Variants in ZNF843 observed in about 807,000 individuals in gnomAD.
ZNF843 encodes the protein zinc finger protein 843.
For missense variants in ZNF843, 482 were observed against 469.4 expected, an observed-to-expected ratio of 1.03 and a Z score of -0.25; for synonymous variants, 185 against 207.7, an observed-to-expected ratio of 0.89 and a Z score of 0.94.
chr16:31,443,099 CCGCGCCAT>C (rs1275614786), upstream of ZNF843: 1 of 152,282 alleles, frequency 6.6e-6, no homozygotes, highest in Non-Finnish European at 1.5e-5. Context: ...ATGAGGGAGT[CCGCGCCAT>C]GCGCATGCAC....
At chr16:31,437,619 G>GTTTT (rs749584155) in intron 1 of ZNF843, among the ~76,000 whole-genome samples, 5 of 109,930 alleles carry the variant, frequency 4.5e-5, no homozygotes, top group African/African-American at 1.8e-4. Flanking sequence ...TATAATCAAT[G>GTTTT]TTTTTTTTTT....
In ZNF843 at chr16:31,436,248, C is replaced by A. The variant is rs974062630; in HGVS notation, c.602G>T (p.Ser201Ile). The change falls in exon 2 of 2, where the codon AGC (serine) becomes ATC (isoleucine). Residue 201 changes from serine to isoleucine, a missense_variant. By Grantham distance (142) the Ser-to-Ile change is moderately radical. Coordinates refer to ENST00000315678, the MANE Select transcript of ZNF843 (RefSeq NM_001136509.3). The stretch of plus-strand genomic sequence containing the variant: ...CAGATGTTGAAGGAAGGACCCGGGG[C>A]TCCCACAGGGCCGGAGCCCAGAGGT... ...DSTSGLRPCG[S>I]PGSFLQHLPP... 1 of 1,545,274 alleles carries A rather than the reference C, an allele frequency of 6.5e-7. No individual in the cohort carries two copies. Among genetic ancestry groups the A allele is most frequent in the Non-Finnish European group, 8.7e-7 (1 of 1,143,652 alleles).
intron 1 of ZNF843, among the ~76,000 whole-genome samples, chr16:31,442,370 G>C (rs1456342662): frequency 6.6e-6 from 1 of 152,188 alleles, no homozygotes; most frequent in African/African-American, 2.4e-5. Flanking sequence ...CCCCAGGCTG[G>C]AGTGCAGTGG....
Position 31,435,950 on chromosome 16 carries a change from C to A in ZNF843, c.900G>T (p.Ala300=), listed in dbSNP as rs1000682370. The A allele has an allele frequency of 2.6e-6, 4 of 1,539,304 alleles. No individual in the cohort carries two copies. Among genetic ancestry groups the A allele is most frequent in the Admixed American group, 4.0e-5 (2 of 49,416 alleles). ...EPARKASQHR[A]AGPLGEARAR... ...CCCTGGCCTCGCCGAGCGGTCCGGC[C>A]GCTCTGTGCTGCGAGGCCTTCCGGG... The change falls in exon 2 of 2, where the codon GCG becomes GCT. Residue 300 remains alanine, a synonymous_variant. Coordinates refer to ENST00000315678, the MANE Select transcript of ZNF843 (RefSeq NM_001136509.3).
At position 31,437,028 on chromosome 16, in the gene ZNF843, G is replaced by A. The variant is rs2082185327; in HGVS notation, c.-179C>T. ...TCTGGAGAGTTCTCTAATGTAAGAC[G>A]CTGGGCAATGTCATCTGAAGGTGTT... On this transcript the variant is annotated 5_prime_UTR_variant, in exon 2 of 2. Transcript: ENST00000315678. 1.6e-6 allele frequency: 1 copy of A among 606,518 alleles called. No homozygotes were observed. The highest frequency in any genetic ancestry group is 2.9e-6 in the Non-Finnish European group (1 of 339,124). The allele number at this position is 606,518 out of a possible 1,614,324, so 37.6% of individuals were successfully genotyped here.
At chr16:31,438,783 T>C (rs1308676680) in intron 1 of ZNF843, among the ~76,000 whole-genome samples, 1 of 152,114 alleles carries the variant, frequency 6.6e-6, no homozygotes, top group East Asian at 1.9e-4. Flanking sequence ...TTTTATTCTC[T>C]TGGACACCTA....
Position 31,436,824 on chromosome 16 carries a change from G to C in ZNF843, c.26C>G (p.Thr9Ser). Reference sequence around the variant, plus strand: ...AGCTCTGGCTGAAACGCTTTCCACAGTCAGGGCAAAGGGGAGGCTTCTCAT... The same window carrying C: ...AGCTCTGGCTGAAACGCTTTCCACACTCAGGGCAAAGGGGAGGCTTCTCAT... The part of the protein sequence containing the change: MRSLPFAL[T>S]VESVSARAPT... Residue 9 changes from threonine to serine, a missense_variant, in exon 2 of 2, where the codon ACT becomes AGT. By Grantham distance (58) the Thr-to-Ser change is moderately conservative. Coordinates refer to ENST00000315678, the MANE Select transcript of ZNF843 (RefSeq NM_001136509.3). 1 of 1,547,650 alleles carries C rather than the reference G, an allele frequency of 6.5e-7. No homozygotes were observed. The highest frequency in any genetic ancestry group is 8.7e-7 in the Non-Finnish European group (1 of 1,144,556).
At chr16:31,437,566 A>G (rs1261206345) in intron 1 of ZNF843, among the ~76,000 whole-genome samples, 1 of 149,234 alleles carries the variant, frequency 6.7e-6, no homozygotes, top group Non-Finnish European at 1.5e-5. Flanking sequence ...TGGGCCACCC[A>G]AAGTGCTGGG....
chr16:31,438,157 A>C (rs544811275), intron 1 of ZNF843, among the ~76,000 whole-genome samples: 17 of 152,174 alleles, frequency 1.1e-4, no homozygotes, highest in Non-Finnish European at 2.2e-4. Context: ...TTAAAATTAC[A>C]AAAGCGTGGT....
chr16:31,438,478 T>G (rs2082190841), intron 1 of ZNF843, among the ~76,000 whole-genome samples: 1 of 152,210 alleles, frequency 6.6e-6, no homozygotes, highest in South Asian at 2.1e-4. Context: ...ATTAGGCCTG[T>G]CAGTCTGGAT....
Position 31,435,962 on chromosome 16 carries a change from C to T in ZNF843, c.888G>A (p.Ser296=), listed in dbSNP as rs1300939805. 1 of 1,530,700 alleles carries T rather than the reference C, an allele frequency of 6.5e-7. No homozygotes were observed. Among genetic ancestry groups the T allele is most frequent in the Admixed American group, 2.1e-5 (1 of 48,450 alleles). The allele number at this position is 1,530,700 out of a possible 1,614,324, so 94.8% of individuals were successfully genotyped here. A position where few individuals can be genotyped will look rare whatever the true frequency, so the allele number is the denominator to read the frequency against. ...CGAGCGGTCCGGCCGCTCTGTGCTG[C>T]GAGGCCTTCCGGGCTGGCTCAGGGT... The part of the protein sequence containing the change: ...PGYPEPARKA[S]QHRAAGPLGE... Residue 296 remains serine, a synonymous_variant, in exon 2 of 2, where the codon TCG becomes TCA. Coordinates refer to ENST00000315678, the MANE Select transcript of ZNF843 (RefSeq NM_001136509.3).
chr16:31,435,935 G>A lies in ZNF843; in HGVS notation c.915C>T (p.Gly305=), dbSNP rs747199336. The part of the protein sequence containing the change: ...ASQHRAAGPL[G]EARARLQRQC... ...GTCGCTGAAGCCTGGCCCTGGCCTC[G>A]CCGAGCGGTCCGGCCGCTCTGTGCT... The change falls in exon 2 of 2, where the codon GGC becomes GGT. Residue 305 remains glycine, a synonymous_variant. Transcript: ENST00000315678. 3.2e-6 allele frequency: 5 copies of A among 1,543,200 alleles called. No homozygotes were observed. Among genetic ancestry groups the A allele is most frequent in the African/African-American group, 2.7e-5 (2 of 72,990 alleles).
chr16:31,440,464 T>C (rs1343214825), intron 1 of ZNF843, among the ~76,000 whole-genome samples: 2 of 152,264 alleles, frequency 1.3e-5, no homozygotes, highest in East Asian at 1.9e-4. Flanking sequence ...TTTTAACTTA[T>C]GAACATTTCT....
rs763540306 is a variant in ZNF843, at chr16:31,436,281, G to T, written c.569C>A (p.Pro190Gln). ...SVSLAPSSVA[P>Q]DSTSGLRPCG... The stretch of plus-strand genomic sequence containing the variant: ...GGGCCGGAGCCCAGAGGTGCTGTCC[G>T]GGGCGACTGAGCTGGGTGCGAGGCT... Residue 190 changes from proline to glutamine, a missense_variant, in exon 2 of 2, where the codon CCG becomes CAG. Coordinates refer to ENST00000315678, the MANE Select transcript of ZNF843 (RefSeq NM_001136509.3). 2.6e-6 allele frequency: 4 copies of T among 1,548,982 alleles called. No individual in the cohort carries two copies. The East Asian group carries it at 7.3e-5, about 28-fold the overall frequency.
Position 31,437,141 on chromosome 16 carries a change from TC to T in ZNF843, c.-293del, listed in dbSNP as rs1438126825. The T allele has an allele frequency of 5.8e-6, 2 of 342,876 alleles. No homozygotes were observed. The highest frequency in any genetic ancestry group is 4.2e-5 in the African/African-American group (2 of 47,610). 21.2% of individuals were successfully genotyped at this position (342,876 alleles called of 1,614,324 possible). A position where few individuals can be genotyped will look rare whatever the true frequency, so the allele number is the denominator to read the frequency against. On this transcript the variant is annotated 5_prime_UTR_variant, in exon 2 of 2. An upstream open reading frame in the 5' UTR loses its in-frame stop. Transcript: ENST00000315678. ...GCTGGTCCTCACTGCCGTGTCCAGTTCCTGCGGAAGGAAAGATTTCAGATCC... is the reference window on the plus strand; with the variant it reads ...GCTGGTCCTCACTGCCGTGTCCAGTTCTGCGGAAGGAAAGATTTCAGATCC...
At position 31,436,536 on chromosome 16, in the gene ZNF843, C is replaced by T. The variant is rs2082182250; in HGVS notation, c.314G>A (p.Trp105Ter). Residue 105 changes from tryptophan to a stop codon, truncating the protein, a stop_gained, in exon 2 of 2, where the codon TGG becomes TAG. Transcript: ENST00000315678. LOFTEE classifies it low-confidence loss of function (END_TRUNC). ...GGCCAGTGTGTGCTCCTTGGTGAGC[C>T]AGCAGCAGAGCTGGCCGCTAAACCC... ...RQGFSGQLCC[W>*]LTKEHTLAEA... 1 of 1,549,778 alleles carries T rather than the reference C, an allele frequency of 6.5e-7. No individual in the cohort carries two copies. Among genetic ancestry groups the T allele is most frequent in the South Asian group, 1.2e-5 (1 of 83,930 alleles).
In ZNF843 at chr16:31,436,078, G is replaced by A; in HGVS notation, c.772C>T (p.Gln258Ter). The change falls in exon 2 of 2, where the codon CAG (glutamine) becomes TAG (stop). Residue 258 changes from glutamine to a stop codon, truncating the protein, a stop_gained. Coordinates refer to ENST00000315678, the MANE Select transcript of ZNF843 (RefSeq NM_001136509.3). LOFTEE classifies it low-confidence loss of function (END_TRUNC). ...GCCCCCTCCTGCTGAGCTGCCGGCT[G>A]GGTGGCTGGCGGAACCTGGGCAACT... ...LEVAQVPPATQPAAQQEGAMG... is the reference protein window; with the variant it reads ...LEVAQVPPAT The A allele has an allele frequency of 2.6e-6, 4 of 1,549,920 alleles. No homozygotes were observed. Among genetic ancestry groups the A allele is most frequent in the Non-Finnish European group, 3.5e-6 (4 of 1,146,326 alleles).
Position 31,436,909 on chromosome 16 carries a change from T to TTTTTAATGATAC in ZNF843, c.-61_-60insGTATCATTAAAA. On this transcript the variant is annotated 5_prime_UTR_variant, in exon 2 of 2. Transcript: ENST00000315678. ...ACTGTACGGGAGGCTTTGCCGCACTTGGCGCAGCTGTGGGGCCTCTGCCGC... is the reference window on the plus strand; with the variant it reads ...ACTGTACGGGAGGCTTTGCCGCACTTTTTTAATGATACGGCGCAGCTGTGGGGCCTCTGCCGC... 1 of 1,425,584 alleles carries TTTTTAATGATAC rather than the reference T, an allele frequency of 7.0e-7. No homozygotes were observed. Among genetic ancestry groups the TTTTTAATGATAC allele is most frequent in the Non-Finnish European group, 9.3e-7 (1 of 1,071,022 alleles). The allele number at this position is 1,425,584 out of a possible 1,614,324, so 88.3% of individuals were successfully genotyped here.
chr16:31,441,560 C>A (rs1484504744), intron 1 of ZNF843, among the ~76,000 whole-genome samples: 1 of 152,120 alleles, frequency 6.6e-6, no homozygotes, highest in Admixed American at 6.5e-5. Context: ...TCATGGCTCA[C>A]TGCAGCCTCG....
Sources: gnomAD v4.1 joint callset for allele counts (sites outside exome capture counted in the v4.1 genomes callset) on GRCh38, gnomAD v4.1.1 for gene constraint, MANE v1.5 for transcripts, NCBI Gene and HGNC (gene_info 2026-07-23, HGNC 2026-07-21) for gene names.